The following CEP63 variants were observed in gnomAD, a reference collection of about 807,000 sequenced individuals.
CEP63 encodes centrosomal protein 63, also known as centrosomal protein of 63 kDa.
A neutral mutation model predicts 89.1 loss-of-function variants in CEP63; 84 were observed. That is an observed-to-expected ratio of 0.94 (90% CI 0.79 to 1.13). CEP63 has a LOEUF of 1.13. Among genes scored for constraint, CEP63 ranks in the 50% most tolerant of loss-of-function variants. The probability of loss-of-function intolerance (pLI) is 0.00; values close to 1 mark genes in which losing one functional copy is unlikely to be tolerated. For synonymous variants in CEP63, 267 were observed against 272.5 expected (o/e 0.98, Z 0.20); for missense variants, 838 against 813.3 (o/e 1.03, Z -0.37).
chr3:134,514,397 G>C (rs1448204611), intron 3 of CEP63, among the ~76,000 whole-genome samples: 1 of 152,070 alleles, frequency 6.6e-6, no homozygotes, highest in Non-Finnish European at 1.5e-5. Flanking sequence ...AATGAGAATG[G>C]GCACAAAAGA....
chr3:134,585,380 A>G (rs940089037), intron 10 of CEP63, among the ~76,000 whole-genome samples: 3 of 152,130 alleles, frequency 2.0e-5, no homozygotes, highest in African/African-American at 7.2e-5. Flanking sequence ...AGATTCTGGT[A>G]TGTTGTGTCT....
At chr3:134,696,891 T>C in the CEP63 span, among the ~76,000 whole-genome samples, 1 of 152,228 alleles carries the variant, frequency 6.6e-6, no homozygotes, top group African/African-American at 2.4e-5. Flanking sequence ...CAGGAGGGAA[T>C]TGTAAGAGCA....
chr3:134,643,912 C>T, the CEP63 span, among the ~76,000 whole-genome samples: 84 of 151,620 alleles, frequency 5.5e-4, 3 homozygotes, highest in South Asian at 0.016. Context: ...CTGCAAGCTC[C>T]GCCTCCTGGG....
the CEP63 span, among the ~76,000 whole-genome samples, chr3:134,639,047 C>T: frequency 1.5e-4 from 20 of 135,812 alleles, no homozygotes; most frequent in Admixed American, 3.7e-4. Flanking sequence ...CATTTACAGC[C>T]TTTTTTTTTT....
chr3:134,574,085 C>T (rs1421636442), intron 11 of CEP63, among the ~76,000 whole-genome samples: 1 of 152,216 alleles, frequency 6.6e-6, no homozygotes, highest in Non-Finnish European at 1.5e-5. Context: ...CAGGGAGAAG[C>T]TGGACCACTC....
the CEP63 span, chr3:134,651,537 C>T: frequency 5.0e-6 from 5 of 993,068 alleles, no homozygotes; most frequent in African/African-American, 7.0e-5. Context: ...GCCTCGACCT[C>T]ACTCCTTCCC....
At chr3:134,522,097 T>G (rs1268448713) in intron 3 of CEP63, among the ~76,000 whole-genome samples, 2 of 152,190 alleles carry the variant, frequency 1.3e-5, no homozygotes, top group Non-Finnish European at 2.9e-5. Context: ...ATTTCTTCAT[T>G]AATTAACAAA....
At chr3:134,679,966 C>T in the CEP63 span, among the ~76,000 whole-genome samples, 1 of 152,210 alleles carries the variant, frequency 6.6e-6, no homozygotes, top group Non-Finnish European at 1.5e-5. Context: ...TCATGCCAGC[C>T]ACCTGCCTTG....
At chr3:134,549,978 C>A (rs1291475593) in intron 10 of CEP63, 85 bp from the exon 11 acceptor site, 4 of 986,502 alleles carry the variant, frequency 4.1e-6, no homozygotes, top group South Asian at 1.4e-5. Context: ...ATAAGGTGAA[C>A]TTTTATTTTA....
At chr3:134,560,870 G>A (rs1470689808) in intron 14 of CEP63, among the ~76,000 whole-genome samples, 1 of 152,112 alleles carries the variant, frequency 6.6e-6, no homozygotes, top group Non-Finnish European at 1.5e-5. Flanking sequence ...GACTGCATAT[G>A]GCATATGTTC....
At chr3:134,538,821 T>C (rs1453570664) in intron 6 of CEP63, among the ~76,000 whole-genome samples, 1 of 151,988 alleles carries the variant, frequency 6.6e-6, no homozygotes, top group Non-Finnish European at 1.5e-5. Context: ...TATTATTGAT[T>C]ATAGATTCTC....
At chr3:134,650,813 G>A in the CEP63 span, 1 of 1,566,760 alleles carries the variant, frequency 6.4e-7, no homozygotes, top group Non-Finnish European at 8.7e-7. Flanking sequence ...ACCCGGGTCG[G>A]GCGCGCGTTA....
chr3:134,566,359 AT>A (rs1957759369), downstream of CEP63, among the ~76,000 whole-genome samples: 1 of 152,164 alleles, frequency 6.6e-6, no homozygotes, highest in Admixed American at 6.5e-5. Context: ...AATGCAAAAA[AT>A]GTGCATTGTG....
chr3:134,641,005 C>G, the CEP63 span: 1 of 152,846 alleles, frequency 6.5e-6, no homozygotes, highest in Non-Finnish European at 1.5e-5. Flanking sequence ...TCTTCTGCTA[C>G]CCCCACCTTG....
In CEP63 at chr3:134,532,710, C is replaced by T. The variant is rs531401899; in HGVS notation, c.319-68C>T. 49 of 1,325,536 alleles carry T rather than the reference C, an allele frequency of 3.7e-5. No homozygotes were observed. The South Asian group carries it at 5.3e-4, about 14-fold the overall frequency. The allele number at this position is 1,325,536 out of a possible 1,614,324, so 82.1% of individuals were successfully genotyped here. A position where few individuals can be genotyped will look rare whatever the true frequency, so the allele number is the denominator to read the frequency against. On this transcript the variant is annotated intron_variant, in intron 4 of 14. Transcript: ENST00000675561. ...TAGCACTGCTCTTGTTTTCATAATA[C>T]CAATTTGTCTCACCACTACTTCTTA...
chr3:134,744,897 C>T, the CEP63 span, among the ~76,000 whole-genome samples: 13 of 152,302 alleles, frequency 8.5e-5, no homozygotes, highest in African/African-American at 3.1e-4. Context: ...GAAATATCAA[C>T]ACCCTCATCT....
chr3:134,488,527 T>C (rs1390740438), intron 1 of CEP63, among the ~76,000 whole-genome samples: 1 of 151,400 alleles, frequency 6.6e-6, no homozygotes, highest in African/African-American at 2.4e-5. Context: ...GAGAATCACG[T>C]GAATCCGGGA....
At chr3:134,663,178 G>A in the CEP63 span, among the ~76,000 whole-genome samples, 2 of 152,198 alleles carry the variant, frequency 1.3e-5, no homozygotes, top group East Asian at 3.8e-4. Flanking sequence ...GTTTTCTGCG[G>A]GTACATCATT....
the CEP63 span, among the ~76,000 whole-genome samples, chr3:134,693,122 T>G: frequency 1.5e-4 from 23 of 152,286 alleles, no homozygotes; most frequent in East Asian, 4.4e-3. Flanking sequence ...TTTCCAAGCG[T>G]CCCTTGTAGA....
Sources: allele counts gnomAD v4.1 joint callset (sites outside exome capture counted in the v4.1 genomes callset), GRCh38; gene constraint gnomAD v4.1.1; transcripts MANE v1.5; gene names NCBI Gene and HGNC (gene_info 2026-07-23, HGNC 2026-07-21).